DMD: variants seen among roughly 807,000 people sequenced by gnomAD.
DMD encodes dystrophin, also known as mutant dystrophin.
In DMD, 63 loss-of-function variants were observed where a neutral mutation model predicts 330.1. That is an observed-to-expected ratio of 0.19 (90% CI 0.16 to 0.24). The LOEUF is 0.24. Among genes scored for constraint, DMD ranks in the 10% least tolerant of loss-of-function variants. The pLI is 1.00. For missense variants in DMD, 3,344 were observed against 2,684.1 expected (o/e 1.25, Z -5.43); for synonymous variants, 1,223 against 959.8 (o/e 1.27, Z -5.07).
At chrX:33,241,934 GTA>G (rs2052592349) in intron 1 of DMD, among the ~76,000 whole-genome samples, 1 of 110,260 alleles carries the variant, frequency 9.1e-6, no homozygotes, top group Non-Finnish European at 1.9e-5. Flanking sequence ...GCTAATTTTT[GTA>G]TTTTTAGTAG....
intron 44 of DMD, among the ~76,000 whole-genome samples, chrX:32,066,781 C>T: frequency 9.0e-6 from 1 of 111,320 alleles, no homozygotes; most frequent in Non-Finnish European, 1.9e-5. Context: ...CTTCTGTGCG[C>T]ACAAACTAAT....
intron 44 of DMD, among the ~76,000 whole-genome samples, chrX:32,180,462 G>T (rs2096923406): frequency 9.0e-6 from 1 of 111,205 alleles, no homozygotes; most frequent in Non-Finnish European, 1.9e-5. Context: ...AGGTTTTAGT[G>T]CTCAAAGTAA....
At chrX:32,727,282 TATCTC>T (rs1444334776) in intron 7 of DMD, among the ~76,000 whole-genome samples, 1 of 111,263 alleles carries the variant, frequency 9.0e-6, no homozygotes, top group Non-Finnish European at 1.9e-5. Context: ...TCGCACACAT[TATCTC>T]ATTTGCTCCT....
chrX:32,598,886 C>T (rs1195127233), intron 12 of DMD, among the ~76,000 whole-genome samples: 2 of 111,730 alleles, frequency 1.8e-5, no homozygotes. Flanking sequence ...TCTGGACTTA[C>T]GGTGAGTACA....
Position 31,226,346 on chromosome X carries a change from G to C in DMD, c.9287-3225C>G, listed in dbSNP as rs759108275. On this transcript the variant is annotated intron_variant, in intron 63 of 78. Coordinates refer to ENST00000357033, the MANE Select transcript of DMD (RefSeq NM_004006.3). ...TCCATTTTGTGGGCTTTTATTAATA[G>C]ATTATTTAATAACTACTATAGTCAA... Among the ~76,000 whole-genome samples the C allele has an allele frequency of 8.0e-5, 9 of 111,837 alleles. No individual in the cohort carries two copies. The East Asian group carries it at 2.5e-3, about 31-fold the overall frequency.
chrX:32,916,827 G>C (rs67893034), intron 2 of DMD, among the ~76,000 whole-genome samples: 20,038 of 110,685 alleles, frequency 0.18, 1,554 homozygotes, highest in African/African-American at 0.29. Context: ...GTATATGGTA[G>C]TATAATAAAC....
At chrX:33,256,945 G>A (rs1398320728) in intron 1 of DMD, among the ~76,000 whole-genome samples, 2 of 110,261 alleles carry the variant, frequency 1.8e-5, no homozygotes, top group African/African-American at 3.3e-5. Flanking sequence ...CTTTGTAAAC[G>A]TGTAACGGAG....
intron 12 of DMD, among the ~76,000 whole-genome samples, chrX:32,612,345 T>C (rs2057243184): frequency 8.9e-6 from 1 of 111,817 alleles, no homozygotes; most frequent in East Asian, 2.8e-4. Flanking sequence ...TACCCTCCGG[T>C]AGAGAGAAGC....
At chrX:33,248,505 C>A (rs2052708604) in intron 1 of DMD, among the ~76,000 whole-genome samples, 1 of 111,157 alleles carries the variant, frequency 9.0e-6, no homozygotes, top group Admixed American at 9.6e-5. Flanking sequence ...ATTTTTTCAC[C>A]CATTTTTATT....
intron 22 of DMD, among the ~76,000 whole-genome samples, chrX:32,468,918 C>T (rs2040336157): frequency 9.0e-6 from 1 of 110,833 alleles, no homozygotes; most frequent in South Asian, 3.7e-4. Context: ...GTATTTAACA[C>T]TCCATATGTA....
chrX:33,234,752 T>C (rs776279459), intron 1 of DMD, among the ~76,000 whole-genome samples: 1 of 111,957 alleles, frequency 8.9e-6, no homozygotes, highest in South Asian at 3.7e-4. Flanking sequence ...GTCGATTTTT[T>C]GTAAAATTCT....
chrX:33,062,040 T>C (rs1167467499), intron 1 of DMD, among the ~76,000 whole-genome samples: 1 of 112,382 alleles, frequency 8.9e-6, no homozygotes, highest in Non-Finnish European at 1.9e-5. Flanking sequence ...GCAACTCTTC[T>C]CATAGATCTG....
chrX:32,558,873 T>C (rs929242987), intron 16 of DMD, among the ~76,000 whole-genome samples: 1 of 109,421 alleles, frequency 9.1e-6, no homozygotes, highest in Non-Finnish European at 1.9e-5. Context: ...ATACCTATTA[T>C]AGTTGGAGAT....
chrX:33,319,103 C>G (rs1569559890), intron 1 of DMD, among the ~76,000 whole-genome samples: 1 of 109,971 alleles, frequency 9.1e-6, no homozygotes, highest in Non-Finnish European at 1.9e-5. Context: ...AAGGTACCAT[C>G]TAGTAGCTAG....
chrX:32,655,145 G>T (rs1003307492), intron 9 of DMD, among the ~76,000 whole-genome samples: 24 of 110,517 alleles, frequency 2.2e-4, no homozygotes, highest in Admixed American at 5.8e-4. Context: ...CCTTCAGTTG[G>T]GCTCTGATCT....
chrX:32,554,941 G>A (rs1603636237), intron 16 of DMD, among the ~76,000 whole-genome samples: 1 of 29,882 alleles, frequency 3.3e-5, no homozygotes, highest in Non-Finnish European at 5.0e-5. Flanking sequence ...AAGAAAGAAA[G>A]AGAGAGAGAG....
intron 1 of DMD, among the ~76,000 whole-genome samples, chrX:33,095,078 T>C (rs960907865): frequency 8.9e-6 from 1 of 112,391 alleles, no homozygotes; most frequent in Non-Finnish European, 1.9e-5. Context: ...ATTTCAAGCT[T>C]TGCTCTGTGT....
intron 62 of DMD, among the ~76,000 whole-genome samples, chrX:31,308,721 T>C (rs1658968761): frequency 9.0e-6 from 1 of 110,533 alleles, no homozygotes; most frequent in Non-Finnish European, 1.9e-5. Context: ...CATCTATTTT[T>C]TTGTGTGTGA....
chrX:31,514,890 G>A (rs1026341162), intron 55 of DMD, among the ~76,000 whole-genome samples: 2 of 111,348 alleles, frequency 1.8e-5, no homozygotes, highest in African/African-American at 6.5e-5. Flanking sequence ...CAGGGACAAT[G>A]AATTGCACAA....
Sources: gnomAD v4.1 joint callset for allele counts (sites outside exome capture counted in the v4.1 genomes callset) on GRCh38, gnomAD v4.1.1 for gene constraint, MANE v1.5 for transcripts, NCBI Gene and HGNC (gene_info 2026-07-23, HGNC 2026-07-21) for gene names.